Variants in DNAH11 observed in about 807,000 individuals in gnomAD.
The protein encoded by DNAH11 is axonemal beta dynein heavy chain 11.
DNAH11 carries 442 observed loss-of-function variants against 526.0 expected under a neutral mutation model. The observed-to-expected ratio is 0.84, with a 90% CI of 0.78 to 0.91. The LOEUF is 0.91. DNAH11 is among the 40% of genes least tolerant of loss of function. DNAH11 has a pLI of 0.00. For synonymous variants in DNAH11, 2,461 were observed against 1,935.9 expected, an observed-to-expected ratio of 1.27 and a Z score of -7.12; for missense variants, 6,989 against 5,448.7, an observed-to-expected ratio of 1.28 and a Z score of -8.90.
intron 61 of DNAH11, among the ~76,000 whole-genome samples, chr7:21,790,683 T>G (rs1051603395): frequency 2.0e-5 from 3 of 151,982 alleles, no homozygotes; most frequent in African/African-American, 7.3e-5. Context: ...CCAGGATAAC[T>G]AGGATGGGAA....
chr7:21,834,639 C>A (rs781348621), intron 65 of DNAH11, among the ~76,000 whole-genome samples: 1 of 152,032 alleles, frequency 6.6e-6, no homozygotes, highest in African/African-American at 2.4e-5. Context: ...TTGAGATCAA[C>A]CTGGTCAACA....
intron 66 of DNAH11, among the ~76,000 whole-genome samples, chr7:21,846,010 GT>G (rs1467508628): frequency 6.6e-6 from 1 of 152,118 alleles, no homozygotes; most frequent in Non-Finnish European, 1.5e-5. Context: ...ATGGCATTGT[GT>G]TTTAAATTTC....
chr7:21,878,207 G>A (rs535029093), intron 74 of DNAH11, among the ~76,000 whole-genome samples: 44 of 152,154 alleles, frequency 2.9e-4, no homozygotes, highest in Non-Finnish European at 6.2e-4. Flanking sequence ...CTTTTCTTCA[G>A]AAAGCCTGAT....
intron 44 of DNAH11, among the ~76,000 whole-genome samples, chr7:21,721,970 G>A (rs1398760450): frequency 1.3e-5 from 2 of 152,096 alleles, no homozygotes; most frequent in Admixed American, 6.5e-5. Context: ...TGCCTGTACA[G>A]ATTGCTTGCA....
intron 63 of DNAH11, among the ~76,000 whole-genome samples, chr7:21,809,471 C>T (rs1045619949): frequency 1.6e-4 from 24 of 152,136 alleles, no homozygotes; most frequent in Admixed American, 7.2e-4. Flanking sequence ...CCCAATTTTT[C>T]CTATAGTTGT....
intron 63 of DNAH11, among the ~76,000 whole-genome samples, chr7:21,809,774 C>T (rs955958159): frequency 2.0e-5 from 3 of 152,072 alleles, no homozygotes; most frequent in Admixed American, 2.0e-4. Flanking sequence ...CCATGTTGCC[C>T]AGGCTGGTCT....
At position 21,606,444 on chromosome 7, in the gene DNAH11, G is replaced by A. The variant is rs1785285463; in HGVS notation, c.3667G>A (p.Glu1223Lys). Residue 1223 changes from glutamate to lysine, a missense_variant, in exon 19 of 82, where the codon GAA (glutamate) becomes AAA (lysine). By Grantham distance (56) the Glu-to-Lys change is moderately conservative (BLOSUM62 1). Transcript: ENST00000409508. ...IQLEELPERW[E>K]TTKKIAATVR... is the part of the protein sequence containing the mutation. ...TTTGCAGGAATTACCTGAAAGATGG[G>A]AAACTACCAAAAAGATCGCAGCAAC... 3.7e-6 allele frequency: 6 copies of A among 1,606,062 alleles called. No individual in the cohort carries two copies. In the South Asian group the frequency reaches 6.8e-5, roughly 18 times the overall value.
At chr7:21,652,779 G>A (rs942993055) in intron 28 of DNAH11, among the ~76,000 whole-genome samples, 1 of 152,158 alleles carries the variant, frequency 6.6e-6, no homozygotes, top group Non-Finnish European at 1.5e-5. Context: ...AATACATGGT[G>A]AGTTATTGGT....
At chr7:21,571,545 G>A (rs549505047) in intron 7 of DNAH11, among the ~76,000 whole-genome samples, 98 of 152,236 alleles carry the variant, frequency 6.4e-4, no homozygotes, top group Middle Eastern at 3.4e-3. Context: ...CTCCCAAAGT[G>A]CTGGTATTAC....
At position 21,802,222 on chromosome 7, in the gene DNAH11, G is replaced by A. The variant is rs1044327496; in HGVS notation, c.10165+947G>A. 5.3e-5 allele frequency among the ~76,000 whole-genome samples: 8 copies of A among 152,162 alleles called. No homozygotes were observed. In the East Asian group the frequency reaches 5.8e-4, roughly 11 times the overall value. On this transcript the variant is annotated intron_variant, in intron 62 of 81. Transcript: ENST00000409508. ...TAAAAGATATGCAGATAGCCAGTAA[G>A]CACCTGAAAAGATGCTCAACTCCAT...
At chr7:21,790,169 C>T (rs183080715) in intron 61 of DNAH11, among the ~76,000 whole-genome samples, 5 of 151,960 alleles carry the variant, frequency 3.3e-5, no homozygotes, top group African/African-American at 9.7e-5. Flanking sequence ...ATTTTCGGCT[C>T]GGCGCAGTGG....
At chr7:21,860,894 A>C (rs1783038044) in intron 68 of DNAH11, among the ~76,000 whole-genome samples, 1 of 152,200 alleles carries the variant, frequency 6.6e-6, no homozygotes, top group Non-Finnish European at 1.5e-5. Flanking sequence ...AATGAGAGCC[A>C]AGTGAAAGAG....
intron 20 of DNAH11, among the ~76,000 whole-genome samples, chr7:21,607,360 C>T (rs1785334610): frequency 6.6e-6 from 1 of 152,130 alleles, no homozygotes; most frequent in South Asian, 2.1e-4. Context: ...GTTTGCCTCT[C>T]CCAGTCTCCT....
rs1022558363 is a variant in DNAH11, at chr7:21,826,618, A to C, written c.10691+8279A>C. On this transcript the variant is annotated intron_variant, in intron 65 of 81. Coordinates refer to ENST00000409508, the MANE Select transcript of DNAH11 (RefSeq NM_001277115.2). ...ATCCTCTTTTTTTTTTTCCTATGTG[A>C]CTATCTCTGTGTAACCTGTGGGTTT... Among the ~76,000 whole-genome samples the C allele has an allele frequency of 1.9e-4, 28 of 151,148 alleles. 1 individual carries two copies. Among genetic ancestry groups the C allele is most frequent in the Middle Eastern group, 3.5e-3 (1 of 288 alleles).
intron 48 of DNAH11, 67 bp downstream of exon 48, chr7:21,739,740 G>C (rs1457635551): frequency 2.5e-6 from 3 of 1,208,016 alleles, no homozygotes; most frequent in Non-Finnish European, 3.6e-6. Flanking sequence ...GTACAGCTTA[G>C]GATTCCTATG....
chr7:21,746,184 C>A (rs1324287537), intron 51 of DNAH11, among the ~76,000 whole-genome samples: 8 of 152,324 alleles, frequency 5.3e-5, no homozygotes, highest in African/African-American at 1.9e-4. Context: ...AAGTTGATCA[C>A]ATGTTTACAT....
intron 65 of DNAH11, among the ~76,000 whole-genome samples, chr7:21,830,592 T>C (rs1318831583): frequency 2.6e-5 from 4 of 152,188 alleles, no homozygotes; most frequent in Non-Finnish European, 5.9e-5. Flanking sequence ...AAATGAACTT[T>C]ATACTAGGAG....
intron 55 of DNAH11, among the ~76,000 whole-genome samples, chr7:21,771,168 G>C (rs1191599352): frequency 3.3e-5 from 5 of 152,152 alleles, no homozygotes. Flanking sequence ...AGAGAAAATA[G>C]ATTCTTTCAC....
At chr7:21,735,463 C>G (rs1469084597) in intron 45 of DNAH11, among the ~76,000 whole-genome samples, 177 bp from the exon 46 acceptor site, 1 of 152,160 alleles carries the variant, frequency 6.6e-6, no homozygotes. Flanking sequence ...TCTAACCATT[C>G]AAAATTGAAA....
Sources: allele counts gnomAD v4.1 joint callset (sites outside exome capture counted in the v4.1 genomes callset), GRCh38; gene constraint gnomAD v4.1.1; transcripts MANE v1.5; gene names NCBI Gene and HGNC (gene_info 2026-07-23, HGNC 2026-07-21).